PDSS2: variants seen among roughly 807,000 people sequenced by gnomAD.
The protein encoded by PDSS2 is decaprenyl diphosphate synthase subunit 2, also known as all trans-polyprenyl-diphosphate synthase PDSS2.
PDSS2 carries 31 observed loss-of-function variants against 44.5 expected under a neutral mutation model. That is an observed-to-expected ratio of 0.70 (90% CI 0.52 to 0.94). PDSS2 has a LOEUF of 0.94. PDSS2 is among the 40% of genes least tolerant of loss of function. The probability of loss-of-function intolerance (pLI) is 0.00; values close to 1 mark genes in which losing one functional copy is unlikely to be tolerated. For synonymous variants in PDSS2, 157 were observed against 180.3 expected, an observed-to-expected ratio of 0.87 and a Z score of 1.03; for missense variants, 452 against 482.2, an observed-to-expected ratio of 0.94 and a Z score of 0.59.
intron 3 of PDSS2, among the ~76,000 whole-genome samples, chr6:107,246,288 A>G (rs1285222178): frequency 6.6e-6 from 1 of 152,166 alleles, no homozygotes; most frequent in Non-Finnish European, 1.5e-5. Context: ...ACAAGCAGAA[A>G]ACAGTAAATG....
At chr6:107,321,282 A>G (rs1219910939) in intron 2 of PDSS2, among the ~76,000 whole-genome samples, 1 of 152,234 alleles carries the variant, frequency 6.6e-6, no homozygotes, top group African/African-American at 2.4e-5. Flanking sequence ...ATAGACGAGA[A>G]GTGCCTCAAA....
At chr6:107,294,323 C>T (rs1776439991) in intron 2 of PDSS2, among the ~76,000 whole-genome samples, 1 of 152,094 alleles carries the variant, frequency 6.6e-6, no homozygotes. Flanking sequence ...TCTAGAGACA[C>T]AAGAACAAAT....
chr6:107,413,933 G>A (rs1345221519), intron 1 of PDSS2, among the ~76,000 whole-genome samples: 1 of 152,136 alleles, frequency 6.6e-6, no homozygotes, highest in Non-Finnish European at 1.5e-5. Context: ...AGAGTGAAGA[G>A]AGCGATTCAA....
chr6:107,380,660 C>T (rs1426818640), intron 1 of PDSS2, among the ~76,000 whole-genome samples: 1 of 152,172 alleles, frequency 6.6e-6, no homozygotes, highest in African/African-American at 2.4e-5. Flanking sequence ...CAATTATCAT[C>T]CAACTAATCC....
intron 1 of PDSS2, among the ~76,000 whole-genome samples, chr6:107,386,801 G>A (rs550901464): frequency 6.6e-5 from 10 of 152,224 alleles, no homozygotes; most frequent in Non-Finnish European, 7.4e-5. Context: ...AGAGTTTGGA[G>A]GAAAATATAA....
At chr6:107,238,394 G>GACTTTTTTACTTTTTT (rs533875488) in intron 4 of PDSS2, among the ~76,000 whole-genome samples, 170 of 152,320 alleles carry the variant, frequency 1.1e-3, no homozygotes, top group Non-Finnish European at 2.2e-3. Context: ...TCATCGTAAT[G>GACTTTTTTACTTTTTT]ACTTTTTTAC....
chr6:107,236,643 G>A (rs2114760248), intron 4 of PDSS2, among the ~76,000 whole-genome samples: 1 of 152,222 alleles, frequency 6.6e-6, no homozygotes, highest in East Asian at 1.9e-4. Context: ...CTATGTGAAG[G>A]AAGCCCTGAT....
chr6:107,170,181 C>T (rs1296989997), intron 7 of PDSS2, among the ~76,000 whole-genome samples: 10 of 152,164 alleles, frequency 6.6e-5, no homozygotes, highest in Admixed American at 3.3e-4. Context: ...CAATGGTGGG[C>T]GCCCCTCCAC....
chr6:107,219,503 T>C (rs1006970022), intron 4 of PDSS2, among the ~76,000 whole-genome samples: 2 of 152,168 alleles, frequency 1.3e-5, no homozygotes, highest in Non-Finnish European at 2.9e-5. Context: ...GCCAGGGTGG[T>C]CTCAAACTTC....
intron 6 of PDSS2, among the ~76,000 whole-genome samples, chr6:107,204,010 G>A (rs539604022): frequency 1.2e-4 from 18 of 150,746 alleles, no homozygotes; most frequent in African/African-American, 4.4e-4. Context: ...TAGCATGATC[G>A]AGGCTCACTG....
chr6:107,305,530 C>G (rs1220094369), intron 2 of PDSS2, among the ~76,000 whole-genome samples: 1 of 152,188 alleles, frequency 6.6e-6, no homozygotes, highest in Non-Finnish European at 1.5e-5. Context: ...TCCTCCAAAG[C>G]CTTGGTTTCC....
Position 107,253,423 on chromosome 6 carries a change from A to C in PDSS2, c.631-7804T>G, listed in dbSNP as rs572832009. 7.2e-5 allele frequency among the ~76,000 whole-genome samples: 11 copies of C among 152,328 alleles called. 1 individual carries two copies. Among genetic ancestry groups the C allele is most frequent in the African/African-American group, 2.6e-4 (11 of 41,592 alleles). On this transcript the variant is annotated intron_variant, in intron 3 of 7. Coordinates refer to ENST00000369037, the MANE Select transcript of PDSS2 (RefSeq NM_020381.4). ...CATTTACTTTTTTTGCAGTGTTTTT[A>C]AATTATAGTTGTTCTTTTTAAAGGA...
chr6:107,371,871 A>G (rs77944202), intron 1 of PDSS2, among the ~76,000 whole-genome samples: 2,011 of 152,316 alleles, frequency 0.013, 61 homozygotes, highest in East Asian at 0.12. Flanking sequence ...TGTGCTAGGA[A>G]TATGTATTAT....
At chr6:107,423,676 G>A (rs1384661868) in intron 1 of PDSS2, among the ~76,000 whole-genome samples, 1 of 152,102 alleles carries the variant, frequency 6.6e-6, no homozygotes, top group Non-Finnish European at 1.5e-5. Context: ...TTGTTTTACA[G>A]ACCTGAATTA....
chr6:107,404,637 A>G (rs1471090057), intron 1 of PDSS2, among the ~76,000 whole-genome samples: 4 of 152,190 alleles, frequency 2.6e-5, no homozygotes, highest in Non-Finnish European at 5.9e-5. Context: ...TGCCATTTAT[A>G]AAACCATCAG....
chr6:107,274,034 T>C lies in PDSS2; in HGVS notation c.625A>G (p.Thr209Ala), dbSNP rs1055698303. Residue 209 changes from threonine to alanine, a missense_variant, in exon 3 of 8, where the codon ACC becomes GCC. Physicochemically the swap from Thr to Ala is moderately conservative, Grantham distance 58. Coordinates refer to ENST00000369037, the MANE Select transcript of PDSS2 (RefSeq NM_020381.4). ...AAAACCCTGCCCAATTTTACCTTGGTGTTCTGTAGCAGAGCTAGTCCATTG... is the reference window on the plus strand; with the variant it reads ...AAAACCCTGCCCAATTTTACCTTGGCGTTCTGTAGCAGAGCTAGTCCATTG... The part of the protein sequence containing the change: ...ACNGLALLQN[T>A]KVVELLASAL... 1.9e-6 allele frequency: 3 copies of C among 1,613,758 alleles called. No homozygotes were observed. The African/African-American group carries it at 4.0e-5, about 22-fold the overall frequency.
chr6:107,185,013 C>T (rs761445590), intron 7 of PDSS2, among the ~76,000 whole-genome samples: 6 of 151,452 alleles, frequency 4.0e-5, no homozygotes, highest in Non-Finnish European at 7.4e-5. Flanking sequence ...GACAGTGCAC[C>T]TGTAGTCGCA....
At chr6:107,246,792 G>C (rs926075644) in intron 3 of PDSS2, among the ~76,000 whole-genome samples, 1 of 152,146 alleles carries the variant, frequency 6.6e-6, no homozygotes, top group African/African-American at 2.4e-5. Context: ...TGAAATTTTT[G>C]CTGATTAAAG....
chr6:107,343,865 A>C (rs1778155248), intron 1 of PDSS2, among the ~76,000 whole-genome samples: 1 of 152,212 alleles, frequency 6.6e-6, no homozygotes, highest in Admixed American at 6.5e-5. Flanking sequence ...GATAAGAAAA[A>C]AATACTACCA....
Sources: gnomAD v4.1 joint callset for allele counts (sites outside exome capture counted in the v4.1 genomes callset) on GRCh38, gnomAD v4.1.1 for gene constraint, MANE v1.5 for transcripts, NCBI Gene and HGNC (gene_info 2026-07-23, HGNC 2026-07-21) for gene names.